Variants in SYT1 observed in about 807,000 individuals in gnomAD.
The protein encoded by SYT1 is synaptotagmin 1.
A neutral mutation model predicts 44.8 loss-of-function variants in SYT1; 8 were observed. The observed-to-expected ratio is 0.18, with a 90% CI of 0.10 to 0.32. The LOEUF is 0.32. Ranked by LOEUF, SYT1 falls within the 10% of genes least tolerant of loss-of-function variation. SYT1 has a pLI of 1.00. For synonymous variants in SYT1, 154 were observed against 188.8 expected, an observed-to-expected ratio of 0.82 and a Z score of 1.51; for missense variants, 286 against 509.3, an observed-to-expected ratio of 0.56 and a Z score of 4.22.
chr12:78,959,273 C>T (rs1015117505), intron 1 of SYT1, among the ~76,000 whole-genome samples: 1 of 151,954 alleles, frequency 6.6e-6, no homozygotes, highest in South Asian at 2.1e-4. Context: ...GGGAGATGTT[C>T]CAAAGTGTTG....
chr12:79,408,602 A>G (rs1868316465), intron 9 of SYT1, among the ~76,000 whole-genome samples: 1 of 152,108 alleles, frequency 6.6e-6, no homozygotes, highest in African/African-American at 2.4e-5. Flanking sequence ...AGGAAAACTC[A>G]TTTTGTAAAC....
chr12:79,228,008 G>C (rs1347955234), intron 4 of SYT1, among the ~76,000 whole-genome samples: 1 of 149,754 alleles, frequency 6.7e-6, no homozygotes, highest in Non-Finnish European at 1.5e-5. Flanking sequence ...ATTCTCTCTT[G>C]GTGTTTCTTA....
intron 9 of SYT1, among the ~76,000 whole-genome samples, chr12:79,375,683 G>T (rs900651340): frequency 6.6e-6 from 1 of 152,240 alleles, no homozygotes; most frequent in South Asian, 2.1e-4. Flanking sequence ...CTCTATTCTT[G>T]TACCTGTCTG....
chr12:79,387,968 T>A (rs920133347), intron 9 of SYT1, among the ~76,000 whole-genome samples: 4 of 152,240 alleles, frequency 2.6e-5, no homozygotes, highest in Non-Finnish European at 4.4e-5. Flanking sequence ...TGCACATATG[T>A]TAACCTTTTT....
intron 2 of SYT1, among the ~76,000 whole-genome samples, chr12:79,030,668 T>C (rs1872775526): frequency 6.6e-6 from 1 of 151,130 alleles, no homozygotes; most frequent in Admixed American, 6.6e-5. Context: ...AAACAGCATT[T>C]GGGAAAATGC....
chr12:79,103,257 C>T lies in SYT1; in HGVS notation c.-18+55895C>T, dbSNP rs997075932. The stretch of plus-strand genomic sequence containing the variant: ...AATAAGAAAATAATATAAAAATCAT[C>T]CCTAATCCTTTAATTAGACATTACC... On this transcript the variant is annotated intron_variant, in intron 3 of 10. Coordinates refer to ENST00000261205, the MANE Select transcript of SYT1 (RefSeq NM_005639.3). 3.9e-5 allele frequency among the ~76,000 whole-genome samples: 6 copies of T among 152,164 alleles called. 1 individual carries two copies. The South Asian group carries it at 1.2e-3, about 32-fold the overall frequency.
At chr12:79,407,772 G>A (rs1885293992) in intron 9 of SYT1, among the ~76,000 whole-genome samples, 1 of 152,074 alleles carries the variant, frequency 6.6e-6, no homozygotes, top group Admixed American at 6.6e-5. Flanking sequence ...CTTACGCACA[G>A]TCCAAGCAAA....
chr12:78,869,597 A>G (rs1451025842), intron 1 of SYT1, among the ~76,000 whole-genome samples: 1 of 152,008 alleles, frequency 6.6e-6, no homozygotes, highest in African/African-American at 2.4e-5. Flanking sequence ...TTAAAATGGC[A>G]TCTACATTAC....
intron 1 of SYT1, among the ~76,000 whole-genome samples, chr12:78,942,757 T>C (rs118135859): frequency 6.6e-6 from 1 of 152,300 alleles, no homozygotes; most frequent in East Asian, 1.9e-4. Context: ...TTGTAAAATA[T>C]ATTGCCTGGA....
At chr12:79,140,845 G>A (rs1378350042) in intron 3 of SYT1, among the ~76,000 whole-genome samples, 1 of 152,178 alleles carries the variant, frequency 6.6e-6, no homozygotes, top group African/African-American at 2.4e-5. Flanking sequence ...GCACCCCTGT[G>A]ACCATTACTG....
At chr12:79,284,707 C>T (rs942334081) in intron 4 of SYT1, among the ~76,000 whole-genome samples, 48 of 151,796 alleles carry the variant, frequency 3.2e-4, no homozygotes, top group Admixed American at 3.3e-4. Context: ...GGCATGGTGG[C>T]GTGTGCCTGA....
At chr12:79,012,025 G>A (rs1428745078) in intron 2 of SYT1, among the ~76,000 whole-genome samples, 1 of 151,654 alleles carries the variant, frequency 6.6e-6, no homozygotes, top group Non-Finnish European at 1.5e-5. Flanking sequence ...CCAGCTACTC[G>A]GGAGGCTGAG....
At chr12:78,906,949 C>A (rs1306677273) in intron 1 of SYT1, among the ~76,000 whole-genome samples, 5 of 152,056 alleles carry the variant, frequency 3.3e-5, no homozygotes, top group Non-Finnish European at 7.4e-5. Flanking sequence ...AATTCTGGCA[C>A]TTTAATAATA....
At chr12:78,896,378 G>T (rs949469691) in intron 1 of SYT1, among the ~76,000 whole-genome samples, 1 of 151,616 alleles carries the variant, frequency 6.6e-6, no homozygotes, top group Non-Finnish European at 1.5e-5. Context: ...GATGCCTTAG[G>T]ATAAATTATG....
At chr12:79,249,584 T>C (rs938143149) in intron 4 of SYT1, among the ~76,000 whole-genome samples, 1 of 152,130 alleles carries the variant, frequency 6.6e-6, no homozygotes, top group African/African-American at 2.4e-5. Flanking sequence ...TTTAGGGAGA[T>C]GGCATCAAAG....
chr12:79,120,952 TAG>T lies in SYT1; in HGVS notation c.-18+73592_-18+73593del, dbSNP rs111565459. ...ATGTATATATATCTATATATATATATAGATATATATACACACACACATTTGTA... is the reference window on the plus strand; with the variant it reads ...ATGTATATATATCTATATATATATATATATATATACACACACACATTTGTA... On this transcript the variant is annotated intron_variant, in intron 3 of 10. Coordinates refer to ENST00000261205, the MANE Select transcript of SYT1 (RefSeq NM_005639.3). Among the ~76,000 whole-genome samples the T allele has an allele frequency of 6.2e-3, 908 of 146,278 alleles. 14 individuals are homozygous for T. Among genetic ancestry groups the T allele is most frequent in the African/African-American group, 0.022 (863 of 39,102 alleles).
chr12:78,981,705 C>T (rs1869275740), intron 2 of SYT1, among the ~76,000 whole-genome samples: 1 of 152,120 alleles, frequency 6.6e-6, no homozygotes, highest in South Asian at 2.1e-4. Flanking sequence ...ACCAAATTTA[C>T]CAATTTGCTG....
At chr12:79,205,253 C>T (rs1398949123) in intron 3 of SYT1, among the ~76,000 whole-genome samples, 12 of 152,122 alleles carry the variant, frequency 7.9e-5, no homozygotes, top group Admixed American at 6.5e-5. Context: ...TGAGCCACCG[C>T]ACCCGGCCTC....
intron 1 of SYT1, among the ~76,000 whole-genome samples, chr12:78,968,480 G>T (rs1323408508): frequency 6.6e-6 from 1 of 152,096 alleles, no homozygotes; most frequent in African/African-American, 2.4e-5. Flanking sequence ...CATTTGAGAG[G>T]ATGTATATTC....
Sources: allele counts gnomAD v4.1 joint callset (sites outside exome capture counted in the v4.1 genomes callset), GRCh38; gene constraint gnomAD v4.1.1; transcripts MANE v1.5; gene names NCBI Gene and HGNC (gene_info 2026-07-23, HGNC 2026-07-21).